GML: variants seen among roughly 807,000 people sequenced by gnomAD.
The protein encoded by GML is glycosylphosphatidylinositol anchored molecule like.
GML carries 5 observed loss-of-function variants against 8.2 expected under a neutral mutation model. That is an observed-to-expected ratio of 0.61 (90% CI 0.32 to 1.28). GML has a LOEUF of 1.28. GML is among the 50% of genes most tolerant of loss of function. The probability of loss-of-function intolerance (pLI) is 0.06; values close to 1 mark genes in which losing one functional copy is unlikely to be tolerated. For synonymous variants in GML, 72 were observed against 69.0 expected (o/e 1.04, Z -0.22); for missense variants, 191 against 198.3 (o/e 0.96, Z 0.22).
chr8:142,846,385 CT>C lies in GML; in HGVS notation c.182-3del, dbSNP rs772336593. On this transcript the variant is annotated splice_polypyrimidine_tract_variant and intron_variant, in intron 3 of 3. Transcript: ENST00000220940. ...AAATCAATTATTTTCATTGCTGCTT[CT>C]TTTTTTAGGCATAAATTCTCGTGAA... 1.2e-5 allele frequency: 18 copies of C among 1,564,030 alleles called. No individual in the cohort carries two copies. The highest frequency in any genetic ancestry group is 1.8e-5 in the Admixed American group (1 of 57,082).
At chr8:142,840,364 G>A in intron 1 of GML, 52 bp from the exon 2 acceptor site, 1 of 1,164,860 alleles carries the variant, frequency 8.6e-7, no homozygotes, top group Admixed American at 1.7e-5. Flanking sequence ...GCATAGAGCT[G>A]GCCAAGGAGC....
intron 3 of GML, among the ~76,000 whole-genome samples, chr8:142,845,092 G>C (rs909728514): frequency 6.6e-6 from 1 of 152,172 alleles, no homozygotes; most frequent in African/African-American, 2.4e-5. Context: ...GCAATTTTGA[G>C]AATGAACAAT....
At chr8:142,835,332 C>T (rs1586541657) in intron 1 of GML, among the ~76,000 whole-genome samples, 1 of 152,208 alleles carries the variant, frequency 6.6e-6, no homozygotes, top group Non-Finnish European at 1.5e-5. Context: ...GGGGCTGGGG[C>T]TCCGTTCAGT....
At chr8:142,842,866 G>A (rs1376700092) in intron 3 of GML, among the ~76,000 whole-genome samples, 1 of 152,232 alleles carries the variant, frequency 6.6e-6, no homozygotes, top group Non-Finnish European at 1.5e-5. Context: ...CTGCCCCAGT[G>A]TAAGTGACCT....
At chr8:142,835,301 C>T (rs1816322635) in intron 1 of GML, among the ~76,000 whole-genome samples, 1 of 152,176 alleles carries the variant, frequency 6.6e-6, no homozygotes, top group African/African-American at 2.4e-5. Context: ...CCCCTTACAG[C>T]TCAACTTCCC....
At chr8:142,844,042 G>T (rs1321136472) in intron 3 of GML, among the ~76,000 whole-genome samples, 2 of 151,176 alleles carry the variant, frequency 1.3e-5, no homozygotes, top group African/African-American at 2.4e-5. Flanking sequence ...TGGGGAAAAA[G>T]AAAAAAGCTC....
chr8:142,835,221 AC>A (rs1040235170), intron 1 of GML, among the ~76,000 whole-genome samples: 1 of 149,444 alleles, frequency 6.7e-6, no homozygotes, highest in African/African-American at 2.5e-5. Flanking sequence ...TCCCAGGGAG[AC>A]CCCCCAACTA....
At position 142,846,802 on chromosome 8, in the gene GML, C is replaced by A; in HGVS notation, c.*112C>A. On this transcript the variant is annotated 3_prime_UTR_variant, in exon 4 of 4. Coordinates refer to ENST00000220940, the MANE Select transcript of GML (RefSeq NM_002066.3). ...TTATCCACTGCTCCTCTAGGTGGCC[C>A]ATTTATGGTTTGTTGTAAGAGAAAA... 1.3e-6 allele frequency: 1 copy of A among 750,954 alleles called. No homozygotes were observed. The highest frequency in any genetic ancestry group is 2.2e-6 in the Non-Finnish European group (1 of 455,422). The allele number at this position is 750,954 out of a possible 1,614,324, so 46.5% of individuals were successfully genotyped here.
intron 1 of GML, among the ~76,000 whole-genome samples, chr8:142,836,064 A>G (rs1321208247): frequency 6.6e-6 from 1 of 152,202 alleles, no homozygotes; most frequent in African/African-American, 2.4e-5. Context: ...CACCTTTGTG[A>G]TAAACTGGTA....
chr8:142,839,507 A>T (rs1475460155), intron 1 of GML, among the ~76,000 whole-genome samples: 1 of 152,074 alleles, frequency 6.6e-6, no homozygotes, highest in Admixed American at 6.6e-5. Context: ...AGGGAGCTAC[A>T]CATCAGGCTC....
intron 1 of GML, among the ~76,000 whole-genome samples, chr8:142,835,377 C>T (rs1320401733): frequency 6.6e-6 from 1 of 152,174 alleles, no homozygotes; most frequent in East Asian, 1.9e-4. Context: ...GTCCCGGGGC[C>T]GCCCACCCCC....
chr8:142,846,360 A>C, intron 3 of GML, 35 bp from the exon 4 acceptor site: 2 of 1,418,224 alleles, frequency 1.4e-6, no homozygotes, highest in Non-Finnish European at 2.0e-6. Flanking sequence ...AGAAAATGTG[A>C]AATCAATTAT....
At chr8:142,837,031 C>T (rs1410620570) in intron 1 of GML, among the ~76,000 whole-genome samples, 1 of 152,214 alleles carries the variant, frequency 6.6e-6, no homozygotes, top group Admixed American at 6.5e-5. Flanking sequence ...CAGTGGCTCA[C>T]ACCTGTAATC....
chr8:142,841,036 TGAA>T, intron 2 of GML, 79 bp from the exon 3 acceptor site: 1 of 770,900 alleles, frequency 1.3e-6, no homozygotes, highest in Non-Finnish European at 2.4e-6. Context: ...GGCTGGCCGT[TGAA>T]GAAGGGTGGA....
chr8:142,838,588 C>T (rs113841305), intron 1 of GML, among the ~76,000 whole-genome samples: 2 of 152,204 alleles, frequency 1.3e-5, no homozygotes, highest in African/African-American at 2.4e-5. Context: ...GTAAGGAATT[C>T]CTGGGAAACA....
intron 1 of GML, among the ~76,000 whole-genome samples, chr8:142,838,067 G>A (rs1400916992): frequency 1.4e-5 from 2 of 144,992 alleles, no homozygotes; most frequent in African/African-American, 5.1e-5. Flanking sequence ...CCTGGGAAGG[G>A]CTCGCCCTCT....
Position 142,846,800 on chromosome 8 carries a change from C to A in GML, c.*110C>A. ...CCTTATCCACTGCTCCTCTAGGTGGCCCATTTATGGTTTGTTGTAAGAGAA... is the reference window on the plus strand; with the variant it reads ...CCTTATCCACTGCTCCTCTAGGTGGACCATTTATGGTTTGTTGTAAGAGAA... On this transcript the variant is annotated 3_prime_UTR_variant, in exon 4 of 4. Transcript: ENST00000220940. The A allele has an allele frequency of 2.6e-6, 2 of 761,710 alleles. No individual in the cohort carries two copies. Among genetic ancestry groups the A allele is most frequent in the Non-Finnish European group, 4.3e-6 (2 of 464,416 alleles). 47.2% of individuals were successfully genotyped at this position (761,710 alleles called of 1,614,324 possible). A position where few individuals can be genotyped will look rare whatever the true frequency, so the allele number is the denominator to read the frequency against.
At chr8:142,835,677 A>G (rs1002576911) in intron 1 of GML, among the ~76,000 whole-genome samples, 3 of 152,182 alleles carry the variant, frequency 2.0e-5, no homozygotes, top group African/African-American at 7.2e-5. Flanking sequence ...CTTAAGTTCC[A>G]AACAGATGAG....
Position 142,846,761 on chromosome 8 carries a change from T to C in GML, c.*71T>C. Reference sequence around the variant, plus strand: ...GAAATGTTGCTCTCCATTATTCCCTTCTAAGCCAGAGACCCTTATCCACTG... The same window carrying C: ...GAAATGTTGCTCTCCATTATTCCCTCCTAAGCCAGAGACCCTTATCCACTG... On this transcript the variant is annotated 3_prime_UTR_variant, in exon 4 of 4. Transcript: ENST00000220940. 8.4e-7 allele frequency: 1 copy of C among 1,184,194 alleles called. No individual in the cohort carries two copies. Among genetic ancestry groups the C allele is most frequent in the Non-Finnish European group, 1.2e-6 (1 of 817,914 alleles). The allele number at this position is 1,184,194 out of a possible 1,614,324, so 73.4% of individuals were successfully genotyped here. A position where few individuals can be genotyped will look rare whatever the true frequency, so the allele number is the denominator to read the frequency against.
Sources: allele counts gnomAD v4.1 joint callset (sites outside exome capture counted in the v4.1 genomes callset), GRCh38; gene constraint gnomAD v4.1.1; transcripts MANE v1.5; gene names NCBI Gene and HGNC (gene_info 2026-07-23, HGNC 2026-07-21).